Variants in KLKB1 observed in about 807,000 individuals in gnomAD.
KLKB1 encodes plasma kallikrein.
KLKB1 carries 58 observed loss-of-function variants against 73.6 expected under a neutral mutation model. The observed-to-expected ratio is 0.79, with a 90% CI of 0.64 to 0.98. KLKB1 has a LOEUF of 0.98. KLKB1 is among the 50% of genes least tolerant of loss of function. KLKB1 has a pLI of 0.00. For synonymous variants in KLKB1, 280 were observed against 258.1 expected (o/e 1.08, Z -0.81); for missense variants, 737 against 763.8 (o/e 0.96, Z 0.41).
rs752608419 is a variant in KLKB1 at position 186,254,727 on chromosome 4, G to A, written c.1453G>A (p.Ala485Thr). 5.0e-6 allele frequency: 8 copies of A among 1,613,724 alleles called. No individual in the cohort carries two copies. Among genetic ancestry groups the A allele is most frequent in the East Asian group, 4.5e-5 (2 of 44,878 alleles). ...AGTCTCAGAAGGGAATCATGATATC[G>A]CCTTGATAAAACTCCAGGCTCCTTT... Reference protein sequence around the residue: ...YKVSEGNHDIALIKLQAPLNY... With the variant: ...YKVSEGNHDITLIKLQAPLNY... Residue 485 changes from alanine to threonine, a missense_variant, in exon 12 of 15, where the codon GCC becomes ACC. Transcript: ENST00000264690.
intron 4 of KLKB1, among the ~76,000 whole-genome samples, chr4:186,235,080 G>A (rs1175473834): frequency 6.6e-6 from 1 of 152,156 alleles, no homozygotes; most frequent in East Asian, 1.9e-4. Flanking sequence ...AGTTATCAAA[G>A]GATGGCAATG....
At position 186,228,270 on chromosome 4, in the gene KLKB1, T is replaced by C. The variant is rs764394623; in HGVS notation, c.58+17T>C. ...TTTCCTGTGGTAAGTGAATTATCTA[T>C]AAAACATGGAATTCAGGCTAAGACA... On this transcript the variant is annotated intron_variant, in intron 2 of 14. Transcript: ENST00000264690. 2.6e-6 allele frequency: 4 copies of C among 1,546,562 alleles called. No homozygotes were observed. In the South Asian group the frequency reaches 3.4e-5, roughly 13 times the overall value.
Position 186,250,333 on chromosome 4 carries a change from T to C in KLKB1, c.689T>C (p.Ile230Thr). The C allele has an allele frequency of 2.5e-6, 4 of 1,614,178 alleles. No homozygotes were observed. The highest frequency in any genetic ancestry group is 1.6e-4 in the Middle Eastern group (1 of 6,062). ...CCAGATGCTTTTGTGTGTCGGACCATCTGCACCTATCACCCCAACTGCCTC... is the reference window on the plus strand; with the variant it reads ...CCAGATGCTTTTGTGTGTCGGACCACCTGCACCTATCACCCCAACTGCCTC... ...LTPDAFVCRTICTYHPNCLFF... is the reference protein window; with the variant it reads ...LTPDAFVCRTTCTYHPNCLFF... The change falls in exon 7 of 15, where the codon ATC becomes ACC. Residue 230 changes from isoleucine (I) to threonine (T), a missense_variant. Coordinates refer to ENST00000264690, the MANE Select transcript of KLKB1 (RefSeq NM_000892.5).
intron 11 of KLKB1, 56 bp downstream of exon 11, chr4:186,252,241 A>C (rs1230174481): frequency 1.3e-6 from 2 of 1,551,824 alleles, no homozygotes. Context: ...ATTTTGAAGG[A>C]TCTATGATCA....
intron 2 of KLKB1, among the ~76,000 whole-genome samples, chr4:186,218,145 G>A (rs1245689218): frequency 6.6e-6 from 1 of 152,230 alleles, no homozygotes; most frequent in Non-Finnish European, 1.5e-5. Flanking sequence ...GTGAACTGTG[G>A]TTTGTCAAGC....
upstream of KLKB1, among the ~76,000 whole-genome samples, chr4:186,222,969 G>T (rs1434693611): frequency 6.6e-6 from 1 of 152,200 alleles, no homozygotes; most frequent in African/African-American, 2.4e-5. Flanking sequence ...GGATCACGAG[G>T]TGTTTTCCCC....
At chr4:186,248,519 A>C (rs1322233017) in intron 6 of KLKB1, among the ~76,000 whole-genome samples, 1 of 151,506 alleles carries the variant, frequency 6.6e-6, no homozygotes, top group East Asian at 1.9e-4. Flanking sequence ...ATTTAGGACT[A>C]AATAAGATTC....
At position 186,254,728 on chromosome 4, in the gene KLKB1, C is replaced by T. The variant is rs757412716; in HGVS notation, c.1454C>T (p.Ala485Val). The T allele has an allele frequency of 5.6e-6, 9 of 1,613,862 alleles. No individual in the cohort carries two copies. The highest frequency in any genetic ancestry group is 7.6e-6 in the Non-Finnish European group (9 of 1,179,786). The part of the protein sequence containing the change: ...YKVSEGNHDI[A>V]LIKLQAPLNY... Reference sequence around the variant, plus strand: ...GTCTCAGAAGGGAATCATGATATCGCCTTGATAAAACTCCAGGCTCCTTTG... The same window carrying T: ...GTCTCAGAAGGGAATCATGATATCGTCTTGATAAAACTCCAGGCTCCTTTG... Residue 485 changes from alanine to valine, a missense_variant, in exon 12 of 15, where the codon GCC becomes GTC. Ala to Val is a moderately conservative substitution (Grantham distance 64). Coordinates refer to ENST00000264690, the MANE Select transcript of KLKB1 (RefSeq NM_000892.5).
rs981989890 is a variant in KLKB1, at chr4:186,251,117, A to C, written c.759-102A>C. The C allele has an allele frequency of 9.6e-6, 7 of 732,786 alleles. No homozygotes were observed. In the African/African-American group the frequency reaches 1.2e-4, roughly 13 times the overall value. The allele number at this position is 732,786 out of a possible 1,614,324, so 45.4% of individuals were successfully genotyped here. ...GAAGAGAGTTTCCCAGAAGAATAAA[A>C]TTTGCTGCGTTGCTTTTTGGGTGTG... On this transcript the variant is annotated intron_variant, in intron 7 of 14. Coordinates refer to ENST00000264690, the MANE Select transcript of KLKB1 (RefSeq NM_000892.5).
At chr4:186,252,803 A>C (rs1025160169) in intron 11 of KLKB1, among the ~76,000 whole-genome samples, 1 of 152,202 alleles carries the variant, frequency 6.6e-6, no homozygotes, top group Non-Finnish European at 1.5e-5. Context: ...TGTCAGGCCC[A>C]TAGAAATGTT....
intron 5 of KLKB1, among the ~76,000 whole-genome samples, chr4:186,237,535 C>T (rs1737760483): frequency 6.6e-6 from 1 of 152,178 alleles, no homozygotes; most frequent in Admixed American, 6.5e-5. Flanking sequence ...CAGGTCTTTC[C>T]TCAAATACCG....
intron 13 of KLKB1, among the ~76,000 whole-genome samples, chr4:186,256,298 T>C (rs1030645646): frequency 2.0e-5 from 3 of 152,224 alleles, no homozygotes; most frequent in Non-Finnish European, 2.9e-5. Flanking sequence ...TTTAAGCATC[T>C]TACTTCATTA....
At position 186,258,334 on chromosome 4, in the gene KLKB1, C is replaced by T; in HGVS notation, c.*122C>T. 1.2e-6 allele frequency: 1 copy of T among 843,048 alleles called. No homozygotes were observed. 52.2% of individuals were successfully genotyped at this position (843,048 alleles called of 1,614,324 possible). On this transcript the variant is annotated 3_prime_UTR_variant, in exon 15 of 15. Transcript: ENST00000264690. ...TTCTTTGCATCCTAAGGACGAAAAA[C>T]ACAGTGCACTCAGAGCTGCTGAGGA...
chr4:186,250,023 T>C (rs1316628700), intron 6 of KLKB1, among the ~76,000 whole-genome samples: 9 of 152,220 alleles, frequency 5.9e-5, no homozygotes, highest in African/African-American at 1.7e-4. Context: ...ACAGCTTTTA[T>C]TTCTCTGAAA....
rs1014140383 is a variant in KLKB1, at chr4:186,254,584, C to T, written c.1314-4C>T. ...TCAAACAGGTATTTATTTTTCTCTC[C>T]TAGGCTTCCCCTGCAGGATGTTTGG... On this transcript the variant is annotated splice_polypyrimidine_tract_variant and splice_region_variant and intron_variant, in intron 11 of 14. Coordinates refer to ENST00000264690, the MANE Select transcript of KLKB1 (RefSeq NM_000892.5). 25 of 1,613,300 alleles carry T rather than the reference C, an allele frequency of 1.5e-5. No individual in the cohort carries two copies. The Admixed American group carries it at 3.5e-4, about 23-fold the overall frequency.
intron 2 of KLKB1, among the ~76,000 whole-genome samples, chr4:186,221,151 T>G (rs1046916635): frequency 3.3e-5 from 5 of 152,036 alleles, no homozygotes; most frequent in African/African-American, 1.2e-4. Flanking sequence ...CATTGTAATC[T>G]TTCCTCCTTC....
At chr4:186,256,892 T>C (rs537454777) in intron 13 of KLKB1, among the ~76,000 whole-genome samples, 14 of 152,088 alleles carry the variant, frequency 9.2e-5, no homozygotes, top group African/African-American at 3.4e-4. Context: ...GGAAGCAAGG[T>C]CTCTGGTCAG....
In KLKB1 at chr4:186,234,019, T is replaced by A; in HGVS notation, c.289T>A (p.Ser97Thr). 6.2e-7 allele frequency: 1 copy of A among 1,614,068 alleles called. No individual in the cohort carries two copies. The highest frequency in any genetic ancestry group is 8.5e-7 in the Non-Finnish European group (1 of 1,179,930). ...LPKVHRTGAV[S>T]GHSLKQCGHQ... ...AAAAGTACATCGAACAGGTGCAGTT[T>A]CTGGACATTCCTTGAAGCAATGTGG... is the stretch of plus-strand genomic sequence containing the variant. The change falls in exon 4 of 15, where the codon TCT (serine) becomes ACT (threonine). Residue 97 changes from serine to threonine, a missense_variant. By Grantham distance (58) the Ser-to-Thr change is moderately conservative (BLOSUM62 1). Coordinates refer to ENST00000264690, the MANE Select transcript of KLKB1 (RefSeq NM_000892.5).
intron 7 of KLKB1, chr4:186,250,982 T>C: frequency 1.9e-6 from 1 of 514,438 alleles, no homozygotes; most frequent in Middle Eastern, 5.1e-4. Context: ...ACTTCATCAT[T>C]GTCCTCTTTT....
Sources: allele counts gnomAD v4.1 joint callset (sites outside exome capture counted in the v4.1 genomes callset), GRCh38; gene constraint gnomAD v4.1.1; transcripts MANE v1.5; gene names NCBI Gene and HGNC (gene_info 2026-07-23, HGNC 2026-07-21).